The following SPHKAP variants were observed in gnomAD, a reference collection of about 807,000 sequenced individuals.
SPHKAP encodes the protein A-kinase anchor protein SPHKAP.
SPHKAP carries 67 observed loss-of-function variants against 137.5 expected under a neutral mutation model. The ratio of observed to expected loss-of-function variants is 0.49; its 90% confidence interval spans 0.40 to 0.60. The LOEUF (loss-of-function observed/expected upper bound fraction) is 0.60. Ranked by LOEUF, SPHKAP falls within the 20% of genes least tolerant of loss-of-function variation. The probability of loss-of-function intolerance (pLI) is 0.00; values close to 1 mark genes in which losing one functional copy is unlikely to be tolerated. For synonymous variants in SPHKAP, 813 were observed against 785.3 expected (o/e 1.04, Z -0.59); for missense variants, 2,097 against 2,069.3 (o/e 1.01, Z -0.26).
chr2:228,036,364 A>G (rs1308542807), intron 3 of SPHKAP, among the ~76,000 whole-genome samples: 1 of 152,208 alleles, frequency 6.6e-6, no homozygotes, highest in Non-Finnish European at 1.5e-5. Flanking sequence ...AATGGCAATC[A>G]TTAAAAAGTC....
At position 228,036,346 on chromosome 2, in the gene SPHKAP, C is replaced by G. The variant is rs1352133154; in HGVS notation, c.247-8803G>C. Among the ~76,000 whole-genome samples the G allele has an allele frequency of 4.6e-5, 7 of 152,272 alleles. No homozygotes were observed. In the South Asian group the frequency reaches 1.4e-3, roughly 32 times the overall value. On this transcript the variant is annotated intron_variant, in intron 3 of 11. Transcript: ENST00000392056. ...AACCACGATGAGATACCATCTCACA[C>G]CAGTTAGAATGGCAATCATTAAAAA... is the stretch of plus-strand genomic sequence containing the variant.
chr2:228,064,030 T>C (rs1180644899), intron 3 of SPHKAP, among the ~76,000 whole-genome samples: 1 of 152,142 alleles, frequency 6.6e-6, no homozygotes, highest in Non-Finnish European at 1.5e-5. Flanking sequence ...TAAAAGTAGT[T>C]GATATTGCTC....
intron 3 of SPHKAP, among the ~76,000 whole-genome samples, chr2:228,095,829 T>C (rs1697966652): frequency 6.6e-6 from 1 of 152,194 alleles, no homozygotes; most frequent in Non-Finnish European, 1.5e-5. Flanking sequence ...AGCACTTTCA[T>C]TAACAATGAT....
chr2:228,081,517 C>T (rs1229148465), intron 3 of SPHKAP, among the ~76,000 whole-genome samples: 2 of 152,084 alleles, frequency 1.3e-5, no homozygotes, highest in Non-Finnish European at 1.5e-5. Flanking sequence ...CAGTATTATT[C>T]ATGATAGCTA....
intron 1 of SPHKAP, among the ~76,000 whole-genome samples, chr2:228,151,925 T>C (rs1185150897): frequency 6.6e-6 from 1 of 152,208 alleles, no homozygotes; most frequent in Admixed American, 6.5e-5. Context: ...GGTTTTGAAA[T>C]GTGGAATTTT....
intron 3 of SPHKAP, among the ~76,000 whole-genome samples, chr2:228,092,309 ATGTG>A (rs546306062): frequency 2.3e-4 from 23 of 99,910 alleles, no homozygotes; most frequent in African/African-American, 8.0e-4. Context: ...ACACACGTGT[ATGTG>A]TGTGTATACG....
chr2:228,025,203 A>G (rs1373461380), intron 5 of SPHKAP, among the ~76,000 whole-genome samples, 191 bp downstream of exon 5: 4 of 152,246 alleles, frequency 2.6e-5, no homozygotes, highest in Admixed American at 6.5e-5. Flanking sequence ...AGTTGATGTA[A>G]GAAAAGCTCT....
chr2:228,084,924 C>T (rs769709186), intron 3 of SPHKAP, among the ~76,000 whole-genome samples: 2 of 152,174 alleles, frequency 1.3e-5, no homozygotes, highest in Non-Finnish European at 2.9e-5. Flanking sequence ...TGATGAATTT[C>T]CTTTGCTGTT....
intron 4 of SPHKAP, among the ~76,000 whole-genome samples, chr2:228,027,216 G>T (rs939330992): frequency 1.3e-5 from 2 of 152,172 alleles, no homozygotes; most frequent in African/African-American, 4.8e-5. Context: ...TCTTAGAAAA[G>T]TCATCTACAA....
At chr2:228,033,053 T>G (rs1193004315) in intron 3 of SPHKAP, among the ~76,000 whole-genome samples, 1 of 152,168 alleles carries the variant, frequency 6.6e-6, no homozygotes, top group Non-Finnish European at 1.5e-5. Flanking sequence ...GTAAATGGGC[T>G]AAATGCTCAA....
At position 227,991,076 on chromosome 2, in the gene SPHKAP, A is replaced by C. The variant is rs1693393920; in HGVS notation, c.4883T>G (p.Leu1628Arg). The change falls in exon 11 of 12, where the codon CTG (leucine) becomes CGG (arginine). Residue 1628 changes from leucine (L) to arginine (R), a missense_variant. Coordinates refer to ENST00000392056, the MANE Select transcript of SPHKAP (RefSeq NM_001142644.2). ...ECPDAELRAT[L>R]QWIAASELGI... The stretch of plus-strand genomic sequence containing the variant: ...CAGTTCAGAGGCAGCTATCCACTGC[A>C]GAGTGGCTCGGAGCTCGGCATCTGG... The C allele has an allele frequency of 6.2e-7, 1 of 1,614,070 alleles. No homozygotes were observed. Among genetic ancestry groups the C allele is most frequent in the African/African-American group, 1.3e-5 (1 of 74,952 alleles).
intron 3 of SPHKAP, among the ~76,000 whole-genome samples, chr2:228,103,821 T>G (rs931517687): frequency 5.9e-5 from 9 of 152,192 alleles, no homozygotes; most frequent in African/African-American, 2.2e-4. Context: ...GGTACTGAAC[T>G]AAGATTCCTG....
chr2:228,075,253 T>C (rs1236524128), intron 3 of SPHKAP, among the ~76,000 whole-genome samples: 1 of 152,258 alleles, frequency 6.6e-6, no homozygotes, highest in Non-Finnish European at 1.5e-5. Flanking sequence ...TAGCACATTG[T>C]CTTTTGGTAT....
intron 5 of SPHKAP, among the ~76,000 whole-genome samples, chr2:228,024,342 GT>G (rs56031418): frequency 0.22 from 27,121 of 124,472 alleles, 2,653 homozygotes; most frequent in South Asian, 0.26. Context: ...TGCAGAGGCA[GT>G]TTTTTTTTTT....
At chr2:228,168,673 T>C (rs1700490050) in intron 1 of SPHKAP, among the ~76,000 whole-genome samples, 1 of 152,106 alleles carries the variant, frequency 6.6e-6, no homozygotes, top group African/African-American at 2.4e-5. Flanking sequence ...CAAAATAATA[T>C]TGATGTCAGA....
In SPHKAP at chr2:227,993,478, G is replaced by T. The variant is rs570331031; in HGVS notation, c.4721+56C>A. 4.8e-6 allele frequency: 7 copies of T among 1,462,888 alleles called. No homozygotes were observed. The South Asian group carries it at 6.1e-5, about 13-fold the overall frequency. The allele number at this position is 1,462,888 out of a possible 1,614,324, so 90.6% of individuals were successfully genotyped here. A position where few individuals can be genotyped will look rare whatever the true frequency, so the allele number is the denominator to read the frequency against. On this transcript the variant is annotated intron_variant, in intron 9 of 11. Coordinates refer to ENST00000392056, the MANE Select transcript of SPHKAP (RefSeq NM_001142644.2). ...ACAACCTGAATGATCAAAATGGATT[G>T]CCAGATGGAATTGGAGTAGTGGTCT...
chr2:228,011,409 TAC>T (rs1694362846), intron 7 of SPHKAP, among the ~76,000 whole-genome samples: 2 of 152,320 alleles, frequency 1.3e-5, no homozygotes, highest in Middle Eastern at 3.4e-3. Context: ...ATTTTTAGGC[TAC>T]AGAGACTGGT....
chr2:228,143,062 A>T (rs753910823), intron 1 of SPHKAP, among the ~76,000 whole-genome samples: 9 of 150,446 alleles, frequency 6.0e-5, no homozygotes, highest in East Asian at 1.9e-4. Flanking sequence ...ATTCTTAATT[A>T]AAAAAAACCC....
intron 3 of SPHKAP, among the ~76,000 whole-genome samples, chr2:228,085,379 T>C (rs1197814728): frequency 6.6e-6 from 1 of 152,218 alleles, no homozygotes; most frequent in African/African-American, 2.4e-5. Flanking sequence ...TATGTAAACA[T>C]TCTGATGACT....
Sources: allele counts gnomAD v4.1 joint callset (sites outside exome capture counted in the v4.1 genomes callset), GRCh38; gene constraint gnomAD v4.1.1; transcripts MANE v1.5; gene names NCBI Gene and HGNC (gene_info 2026-07-23, HGNC 2026-07-21).